ASCC2: variants seen among roughly 807,000 people sequenced by gnomAD.
The protein encoded by ASCC2 is activating signal cointegrator 1 complex subunit 2, also known as ASC-1 complex subunit P100.
Under a neutral mutation model 93.5 loss-of-function variants are expected in ASCC2, and 42 were observed. The ratio of observed to expected loss-of-function variants is 0.45; its 90% CI spans 0.35 to 0.58. ASCC2 has a LOEUF of 0.58. Ranked by LOEUF, ASCC2 falls within the 20% of genes least tolerant of loss-of-function variation. The pLI is 0.00. For synonymous variants in ASCC2, 364 were observed against 384.2 expected, an observed-to-expected ratio of 0.95 and a Z score of 0.62; for missense variants, 859 against 977.6, an observed-to-expected ratio of 0.88 and a Z score of 1.62.
At chr22:29,838,068 G>A (rs2064093202) in intron 1 of ASCC2, 110 bp downstream of exon 1, 1 of 428,398 alleles carries the variant, frequency 2.3e-6, no homozygotes, top group South Asian at 1.6e-5. Flanking sequence ...GTAAGCGTGG[G>A]CCCCGCAATG....
rs367902597 is a variant in ASCC2 at position 29,793,640 on chromosome 22, G to T, written c.1725C>A (p.Asn575Lys). 3.1e-5 allele frequency: 50 copies of T among 1,596,078 alleles called. No individual in the cohort carries two copies. The highest frequency in any genetic ancestry group is 4.2e-5 in the Non-Finnish European group (49 of 1,172,100). The change falls in exon 16 of 20, where the codon AAC becomes AAA. Residue 575 changes from asparagine to lysine, a missense_variant. Coordinates refer to ENST00000307790, the MANE Select transcript of ASCC2 (RefSeq NM_032204.5). The part of the protein sequence containing the change: ...RKEENTRSLL[N>K]DKRAVAAQRQ... ...GCTGTGCCGCCACTGCACGCTTGTC[G>T]TTCAGCAAACTCCGCGTGTTTTCCT...
chr22:29,821,196 TA>T (rs1051098506), intron 5 of ASCC2, among the ~76,000 whole-genome samples: 3 of 152,124 alleles, frequency 2.0e-5, no homozygotes, highest in African/African-American at 7.2e-5. Context: ...GAGGAACCTC[TA>T]AAAAAAACTG....
intron 6 of ASCC2, among the ~76,000 whole-genome samples, chr22:29,815,016 C>T (rs1175999617): frequency 6.6e-6 from 1 of 152,218 alleles, no homozygotes; most frequent in Non-Finnish European, 1.5e-5. Context: ...CAACCTGGGG[C>T]CAGGTGTGGT....
intron 1 of ASCC2, among the ~76,000 whole-genome samples, chr22:29,834,987 T>C (rs1026401087): frequency 2.6e-5 from 4 of 151,632 alleles, no homozygotes; most frequent in Non-Finnish European, 4.4e-5. Context: ...GCTGTGGGAG[T>C]GTTGGGTGTG....
chr22:29,821,720 G>A (rs1278446700), intron 5 of ASCC2, among the ~76,000 whole-genome samples: 1 of 152,210 alleles, frequency 6.6e-6, no homozygotes, highest in Non-Finnish European at 1.5e-5. Context: ...TCCCAAGGCA[G>A]AATGGTGGCT....
At chr22:29,810,075 C>T (rs1878537605) in intron 8 of ASCC2, 1 of 152,422 alleles carries the variant, frequency 6.6e-6, no homozygotes, top group South Asian at 2.1e-4. Context: ...TCCCACAGCC[C>T]TCTGGCTTCC....
intron 14 of ASCC2, 84 bp downstream of exon 14, chr22:29,801,910 A>G (rs2059129475): frequency 1.7e-6 from 2 of 1,157,254 alleles, no homozygotes; most frequent in East Asian, 2.6e-5. Context: ...GTCCTGGGCC[A>G]TGAATGAGGG....
At chr22:29,806,631 C>CT (rs2059703741) in intron 10 of ASCC2, 78 bp from the exon 11 acceptor site, 2 of 1,493,164 alleles carry the variant, frequency 1.3e-6, no homozygotes, top group Admixed American at 3.6e-5. Flanking sequence ...CGCTGCCCCT[C>CT]TTTAAGGCTG....
intron 13 of ASCC2, 120 bp from the exon 14 acceptor site, chr22:29,802,328 C>T: frequency 1.0e-6 from 1 of 961,708 alleles, no homozygotes; most frequent in South Asian, 1.7e-5. Flanking sequence ...GATTACCCCT[C>T]CTGCCTGTGG....
At chr22:29,818,477 C>CACAG (rs1569410952) in intron 5 of ASCC2, among the ~76,000 whole-genome samples, 89 of 86,316 alleles carry the variant, frequency 1.0e-3, no homozygotes, top group African/African-American at 1.8e-3. Flanking sequence ...CACACACACA[C>CACAG]AGTGAAGGGG....
chr22:29,789,373 C>T (rs1017713893), intron 19 of ASCC2, among the ~76,000 whole-genome samples, 189 bp from the exon 20 acceptor site: 1 of 74,846 alleles, frequency 1.3e-5, no homozygotes, highest in Non-Finnish European at 3.9e-5. Flanking sequence ...TGACCAGCCC[C>T]GAGCCTGGTG....
intron 19 of ASCC2, among the ~76,000 whole-genome samples, chr22:29,789,928 G>T (rs2068742972): frequency 6.6e-6 from 1 of 152,148 alleles, no homozygotes; most frequent in Non-Finnish European, 1.5e-5. Flanking sequence ...GAGTCTCTGG[G>T]TACTGATCTC....
chr22:29,829,411 G>T (rs1468002944), intron 2 of ASCC2, among the ~76,000 whole-genome samples: 2 of 152,086 alleles, frequency 1.3e-5, no homozygotes, highest in East Asian at 3.9e-4. Context: ...GTACAGATCT[G>T]CTGGCTGGAC....
intron 1 of ASCC2, among the ~76,000 whole-genome samples, chr22:29,833,885 T>C (rs988758876): frequency 4.6e-5 from 7 of 151,314 alleles, no homozygotes; most frequent in African/African-American, 9.7e-5. Context: ...TTTTCTTTTT[T>C]TTTTTTTTTT....
chr22:29,809,184 A>C (rs116452974), intron 8 of ASCC2, among the ~76,000 whole-genome samples: 1,547 of 151,954 alleles, frequency 0.01, 25 homozygotes, highest in African/African-American at 0.036. Context: ...TTTGGTCAAA[A>C]TAGGCTAAAT....
Position 29,793,821 on chromosome 22 carries a change from G to A in ASCC2, c.1689-145C>T, listed in dbSNP as rs116828519. The A allele has an allele frequency of 2.5e-3, 1,869 of 749,450 alleles. 23 individuals are homozygous for A. The African/African-American group carries it at 0.028, about 11-fold the overall frequency. The allele number at this position is 749,450 out of a possible 1,614,324, so 46.4% of individuals were successfully genotyped here. Reference sequence around the variant, plus strand: ...AATGAAATCAAGCATTGGTGAGGGCGTGGGAGGGTGGGACTGTCACTGCTG... The same window carrying A: ...AATGAAATCAAGCATTGGTGAGGGCATGGGAGGGTGGGACTGTCACTGCTG... On this transcript the variant is annotated intron_variant, in intron 15 of 19. Coordinates refer to ENST00000307790, the MANE Select transcript of ASCC2 (RefSeq NM_032204.5).
intron 6 of ASCC2, among the ~76,000 whole-genome samples, chr22:29,815,768 C>CT (rs2060776656): frequency 6.6e-6 from 1 of 152,236 alleles, no homozygotes. Context: ...AAGCCAAACT[C>CT]TGTCTGTATG....
At chr22:29,808,289 T>G (rs762468932) in intron 8 of ASCC2, 104 bp from the exon 9 acceptor site, 3 of 1,200,696 alleles carry the variant, frequency 2.5e-6, no homozygotes, top group Non-Finnish European at 3.6e-6. Flanking sequence ...CATTTCTTTT[T>G]CCACACAATT....
At chr22:29,817,686 T>G (rs972186481) in intron 5 of ASCC2, among the ~76,000 whole-genome samples, 8 of 152,118 alleles carry the variant, frequency 5.3e-5, no homozygotes, top group African/African-American at 1.9e-4. Context: ...AAAGCGAGGT[T>G]TTACATGCAT....
Sources: gnomAD v4.1 joint callset for allele counts (sites outside exome capture counted in the v4.1 genomes callset) on GRCh38, gnomAD v4.1.1 for gene constraint, MANE v1.5 for transcripts, NCBI Gene and HGNC (gene_info 2026-07-23, HGNC 2026-07-21) for gene names.